SCRN1: variants seen among roughly 807,000 people sequenced by gnomAD.
SCRN1 encodes secernin 1, also known as secernin-1.
SCRN1 carries 19 observed loss-of-function variants against 43.3 expected under a neutral mutation model. The ratio of observed to expected loss-of-function variants is 0.44; its 90% confidence interval spans 0.31 to 0.64. SCRN1 has a LOEUF of 0.64. Ranked by LOEUF, SCRN1 falls within the 30% of genes least tolerant of loss-of-function variation. SCRN1 has a pLI of 0.09. For missense variants in SCRN1, 447 were observed against 524.1 expected (o/e 0.85, Z 1.44); for synonymous variants, 183 against 188.9 (o/e 0.97, Z 0.26).
intron 3 of SCRN1, chr7:29,947,210 T>G: frequency 1.3e-6 from 2 of 1,550,562 alleles, no homozygotes; most frequent in East Asian, 2.4e-5. Flanking sequence ...GGGAATTAGA[T>G]GCTCCTGAAT....
chr7:29,983,243 G>A (rs923520447), intron 1 of SCRN1, among the ~76,000 whole-genome samples: 1 of 143,916 alleles, frequency 6.9e-6, no homozygotes, highest in Admixed American at 7.2e-5. Context: ...TTACTAGAGA[G>A]AGAGATGCAC....
intron 5 of SCRN1, among the ~76,000 whole-genome samples, chr7:29,938,137 G>A (rs553880052): frequency 6.6e-6 from 1 of 151,866 alleles, no homozygotes; most frequent in South Asian, 2.1e-4. Flanking sequence ...CAAGTGATTC[G>A]CCCACCTCAG....
chr7:29,944,035 A>T lies in SCRN1; in HGVS notation c.486T>A (p.Arg162=). The change falls in exon 4 of 8, where the codon CGT becomes CGA. Residue 162 remains arginine (R), a synonymous_variant. Coordinates refer to ENST00000242059, the MANE Select transcript of SCRN1 (RefSeq NM_014766.5). ...TGGTCTCGAGCACCCAGGCTTCATCACGATCCACAATCAGATATGCACTTT... is the reference window on the plus strand; with the variant it reads ...TGGTCTCGAGCACCCAGGCTTCATCTCGATCCACAATCAGATATGCACTTT... ...SFQSAYLIVD[R]DEAWVLETIG... is the part of the protein sequence containing the mutation. 6.2e-7 allele frequency: 1 copy of T among 1,614,174 alleles called. No individual in the cohort carries two copies. Among genetic ancestry groups the T allele is most frequent in the Middle Eastern group, 1.6e-4 (1 of 6,062 alleles).
chr7:29,985,553 G>A (rs1789123105), intron 1 of SCRN1, among the ~76,000 whole-genome samples: 1 of 152,072 alleles, frequency 6.6e-6, no homozygotes, highest in Admixed American at 6.5e-5. Flanking sequence ...GTACTGGGGT[G>A]TATTCATCTC....
intron 6 of SCRN1, among the ~76,000 whole-genome samples, chr7:29,927,196 T>C (rs1471961560): frequency 6.6e-6 from 1 of 152,068 alleles, no homozygotes; most frequent in Non-Finnish European, 1.5e-5. Context: ...GAAGTCTGGT[T>C]GTGTGAGAGA....
At chr7:29,969,938 T>C (rs1562820166) in intron 1 of SCRN1, 1 of 454,420 alleles carries the variant, frequency 2.2e-6, no homozygotes, top group South Asian at 1.6e-5. Flanking sequence ...TTATCTAATA[T>C]ATCACCAAGT....
intron 1 of SCRN1, among the ~76,000 whole-genome samples, chr7:29,970,726 C>T (rs1788641725): frequency 1.3e-5 from 2 of 152,154 alleles, no homozygotes; most frequent in East Asian, 3.8e-4. Context: ...CTGAAGCTGA[C>T]TCTCTAATAT....
chr7:29,972,592 G>T (rs571676665), intron 1 of SCRN1, among the ~76,000 whole-genome samples: 3 of 152,294 alleles, frequency 2.0e-5, no homozygotes, highest in African/African-American at 7.2e-5. Flanking sequence ...ATGCCAGCAG[G>T]GAGCAGAATT....
rs549975546 is a variant in SCRN1, at chr7:29,961,276, C to A, written c.160-5916G>T. Reference sequence around the variant, plus strand: ...ATTAGGGAGTGGTGATGACTCTTAACGAGCATGCTGCCTTCAAGCATCTGT... The same window carrying A: ...ATTAGGGAGTGGTGATGACTCTTAAAGAGCATGCTGCCTTCAAGCATCTGT... On this transcript the variant is annotated intron_variant, in intron 2 of 7. Transcript: ENST00000242059. Among the ~76,000 whole-genome samples the A allele has an allele frequency of 1.2e-4, 17 of 140,684 alleles. No homozygotes were observed. The South Asian group carries it at 2.8e-3, about 23-fold the overall frequency. The allele number at this position is 140,684 out of a possible 152,430, so 92.3% of individuals were successfully genotyped here. A position where few individuals can be genotyped will look rare whatever the true frequency, so the allele number is the denominator to read the frequency against.
At chr7:29,955,624 A>G (rs746261061) in intron 2 of SCRN1, among the ~76,000 whole-genome samples, 1 of 152,228 alleles carries the variant, frequency 6.6e-6, no homozygotes, top group Non-Finnish European at 1.5e-5. Flanking sequence ...GCCAATCATC[A>G]TCCTGAACAT....
chr7:29,926,373 T>C lies in SCRN1; in HGVS notation c.1086+79A>G. On this transcript the variant is annotated intron_variant, in intron 7 of 7. Coordinates refer to ENST00000242059, the MANE Select transcript of SCRN1 (RefSeq NM_014766.5). The stretch of plus-strand genomic sequence containing the variant: ...GGTGGGGGTAGGGTCTAGCTTGACA[T>C]CTGCTTCCCTGCCTCCTTCCTCGCT... The C allele has an allele frequency of 2.0e-6, 3 of 1,489,460 alleles. No individual in the cohort carries two copies. In the East Asian group the frequency reaches 6.8e-5, roughly 34 times the overall value. 92.3% of individuals were successfully genotyped at this position (1,489,460 alleles called of 1,614,324 possible). A position where few individuals can be genotyped will look rare whatever the true frequency, so the allele number is the denominator to read the frequency against.
chr7:29,923,476 G>A lies in SCRN1; in HGVS notation c.*481C>T, dbSNP rs1009469535. On this transcript the variant is annotated 3_prime_UTR_variant, in exon 8 of 8. Coordinates refer to ENST00000242059, the MANE Select transcript of SCRN1 (RefSeq NM_014766.5). ...CAGGCATGCACTCACGGGAGGCCAC[G>A]GAGGGTCCCCTTGACAACACACACA... 8.3e-5 allele frequency: 13 copies of A among 156,798 alleles called. No homozygotes were observed. The East Asian group carries it at 9.4e-4, about 11-fold the overall frequency. The allele number at this position is 156,798 out of a possible 1,614,324, so 9.7% of individuals were successfully genotyped here. A position where few individuals can be genotyped will look rare whatever the true frequency, so the allele number is the denominator to read the frequency against.
intron 2 of SCRN1, among the ~76,000 whole-genome samples, chr7:29,966,699 G>C (rs1788510029): frequency 6.6e-6 from 1 of 152,212 alleles, no homozygotes; most frequent in Admixed American, 6.5e-5. Flanking sequence ...AAAGTTGCAA[G>C]GGCTTTTATT....
At chr7:29,989,906 C>A, upstream of SCRN1, 1 of 1,107,010 alleles carries the variant, frequency 9.0e-7, no homozygotes, top group Non-Finnish European at 1.1e-6. Context: ...CCGCCGCACC[C>A]CGCGCGTCTG....
intron 2 of SCRN1, among the ~76,000 whole-genome samples, chr7:29,966,159 C>CAGACAG (rs1310111629): frequency 2.2e-4 from 19 of 84,464 alleles, no homozygotes; most frequent in East Asian, 3.4e-4. Flanking sequence ...GACCGAGAGA[C>CAGACAG]AGAGAGAGAG....
At chr7:29,929,272 G>A (rs1437695097) in intron 6 of SCRN1, among the ~76,000 whole-genome samples, 1 of 152,228 alleles carries the variant, frequency 6.6e-6, no homozygotes, top group Non-Finnish European at 1.5e-5. Context: ...GCAAAGCCAA[G>A]ACTCCCACCT....
intron 3 of SCRN1, among the ~76,000 whole-genome samples, chr7:29,946,090 A>G (rs943385823): frequency 6.6e-6 from 1 of 152,248 alleles, no homozygotes; most frequent in Non-Finnish European, 1.5e-5. Context: ...TAATTACATG[A>G]CAATTCATTT....
chr7:29,926,678 C>A (rs17158502), intron 6 of SCRN1, 46 bp from the exon 7 acceptor site: 3 of 1,444,070 alleles, frequency 2.1e-6, no homozygotes, highest in Middle Eastern at 4.0e-4. Flanking sequence ...GGCTGGGACC[C>A]GGGAACACCC....
At chr7:29,961,007 A>G (rs1399068357) in intron 2 of SCRN1, among the ~76,000 whole-genome samples, 1 of 152,096 alleles carries the variant, frequency 6.6e-6, no homozygotes, top group African/African-American at 2.4e-5. Context: ...GAAAGAAAAA[A>G]TCCAGTGTAA....
Sources: gnomAD v4.1 joint callset for allele counts (sites outside exome capture counted in the v4.1 genomes callset) on GRCh38, gnomAD v4.1.1 for gene constraint, MANE v1.5 for transcripts, NCBI Gene and HGNC (gene_info 2026-07-23, HGNC 2026-07-21) for gene names.